Variants in GMDS observed in about 807,000 individuals in gnomAD.
The protein encoded by GMDS is GDP-mannose 4,6-dehydratase.
Under a neutral mutation model 49.9 loss-of-function variants are expected in GMDS, and 20 were observed. The observed-to-expected ratio is 0.40, with a 90% CI of 0.28 to 0.58. The LOEUF (loss-of-function observed/expected upper bound fraction) is 0.58. Ranked by LOEUF, GMDS falls within the 20% of genes least tolerant of loss-of-function variation. GMDS has a pLI of 0.42. For synonymous variants in GMDS, 177 were observed against 178.6 expected, an observed-to-expected ratio of 0.99 and a Z score of 0.07; for missense variants, 362 against 481.4, an observed-to-expected ratio of 0.75 and a Z score of 2.32.
At chr6:2,095,069 C>G (rs1179990342) in intron 4 of GMDS, among the ~76,000 whole-genome samples, 1 of 152,088 alleles carries the variant, frequency 6.6e-6, no homozygotes, top group African/African-American at 2.4e-5. Context: ...ACACGTGCAC[C>G]CAGGTTTACA....
intron 7 of GMDS, among the ~76,000 whole-genome samples, chr6:1,892,126 G>A (rs899352183): frequency 1.3e-5 from 2 of 151,922 alleles, no homozygotes; most frequent in African/African-American, 4.8e-5. Flanking sequence ...AGAGATGTAA[G>A]TAGCACCTAT....
intron 1 of GMDS, among the ~76,000 whole-genome samples, chr6:2,159,676 G>C (rs1032122685): frequency 6.6e-6 from 1 of 151,312 alleles, no homozygotes. Flanking sequence ...ATGCCACCAC[G>C]CCCAACTAAT....
intron 7 of GMDS, among the ~76,000 whole-genome samples, chr6:1,751,148 C>T (rs1581138238): frequency 6.6e-6 from 1 of 152,210 alleles, no homozygotes; most frequent in African/African-American, 2.4e-5. Flanking sequence ...GGTGCAGCTT[C>T]AGCAGACTTA....
At chr6:1,808,240 G>A (rs1218200730) in intron 7 of GMDS, among the ~76,000 whole-genome samples, 1 of 152,158 alleles carries the variant, frequency 6.6e-6, no homozygotes, top group African/African-American at 2.4e-5. Context: ...ATTTCTCAGG[G>A]CAAATGATGA....
At chr6:2,094,803 C>G (rs1773502762) in intron 4 of GMDS, among the ~76,000 whole-genome samples, 1 of 152,158 alleles carries the variant, frequency 6.6e-6, no homozygotes, top group African/African-American at 2.4e-5. Flanking sequence ...CACACATTAA[C>G]TCTTACATGT....
chr6:1,746,653 C>G (rs934119182), intron 7 of GMDS, among the ~76,000 whole-genome samples: 13 of 152,100 alleles, frequency 8.5e-5, no homozygotes, highest in African/African-American at 2.9e-4. Context: ...ATCTGTTCTA[C>G]AAATCCAATT....
At chr6:2,055,914 G>T (rs568106632) in intron 4 of GMDS, among the ~76,000 whole-genome samples, 222 of 152,234 alleles carry the variant, frequency 1.5e-3, no homozygotes, top group African/African-American at 5.0e-3. Context: ...ATACTCGCTT[G>T]AAATTAATAC....
chr6:1,776,126 C>T (rs7760204), intron 7 of GMDS, among the ~76,000 whole-genome samples: 2 of 151,488 alleles, frequency 1.3e-5, no homozygotes, highest in Non-Finnish European at 2.9e-5. Context: ...AAGCCGTGAC[C>T]GTTCAGAATC....
chr6:1,846,632 G>C (rs1269944691), intron 7 of GMDS, among the ~76,000 whole-genome samples: 2 of 152,204 alleles, frequency 1.3e-5, no homozygotes, highest in Non-Finnish European at 2.9e-5. Flanking sequence ...TCCAATCCTA[G>C]ATTGTGAACC....
At chr6:1,803,708 T>C (rs966614629) in intron 7 of GMDS, among the ~76,000 whole-genome samples, 2 of 152,196 alleles carry the variant, frequency 1.3e-5, no homozygotes, top group African/African-American at 4.8e-5. Context: ...ACTTACCCTG[T>C]TTAACTCTGC....
chr6:1,695,907 G>GTTTTTTTTTTTTTTC (rs1765320103), intron 9 of GMDS, among the ~76,000 whole-genome samples: 1 of 124,412 alleles, frequency 8.0e-6, no homozygotes, highest in African/African-American at 3.1e-5. Context: ...TTCTGTCTTG[G>GTTTTTTTTTTTTTTC]TTTTTTTTTT....
At chr6:1,920,373 A>G (rs1761654870) in intron 7 of GMDS, among the ~76,000 whole-genome samples, 1 of 152,248 alleles carries the variant, frequency 6.6e-6, no homozygotes, top group Admixed American at 6.5e-5. Context: ...AAAGGTGCTA[A>G]TAAGTAGGAT....
chr6:1,629,565 C>T (rs1191228404), intron 9 of GMDS, among the ~76,000 whole-genome samples: 1 of 152,136 alleles, frequency 6.6e-6, no homozygotes, highest in Non-Finnish European at 1.5e-5. Context: ...GGCCCTGCAC[C>T]ATGGCCTCGT....
At chr6:1,858,266 G>T (rs562083791) in intron 7 of GMDS, among the ~76,000 whole-genome samples, 19 of 152,254 alleles carry the variant, frequency 1.2e-4, no homozygotes, top group African/African-American at 4.6e-4. Context: ...TGCAAAGTAA[G>T]CTCATATTTA....
chr6:2,157,108 C>G (rs151046914), intron 1 of GMDS, among the ~76,000 whole-genome samples: 1 of 152,176 alleles, frequency 6.6e-6, no homozygotes, highest in Admixed American at 6.5e-5. Context: ...ATAACTGTAG[C>G]ACAGCACAGA....
chr6:1,727,248 G>A (rs914064341), intron 8 of GMDS, among the ~76,000 whole-genome samples: 1 of 152,156 alleles, frequency 6.6e-6, no homozygotes, highest in Non-Finnish European at 1.5e-5. Context: ...TCCCAGGAGC[G>A]AGTCCTCAAG....
intron 7 of GMDS, among the ~76,000 whole-genome samples, chr6:1,910,236 T>C (rs1254282656): frequency 1.3e-5 from 2 of 151,052 alleles, no homozygotes; most frequent in East Asian, 1.9e-4. Flanking sequence ...GCACTTTCTA[T>C]AGTATTTTTT....
chr6:1,948,765 G>C (rs1202372551), intron 6 of GMDS, among the ~76,000 whole-genome samples: 2 of 152,066 alleles, frequency 1.3e-5, no homozygotes, highest in Non-Finnish European at 2.9e-5. Flanking sequence ...GTCTTTTCTT[G>C]ACTTTCCTAA....
chr6:2,221,771 T>C (rs1385856724), intron 1 of GMDS, among the ~76,000 whole-genome samples: 1 of 152,156 alleles, frequency 6.6e-6, no homozygotes, highest in Non-Finnish European at 1.5e-5. Flanking sequence ...ATTCACATTA[T>C]AGCAGTCCCA....
Sources: gnomAD v4.1 joint callset for allele counts (sites outside exome capture counted in the v4.1 genomes callset) on GRCh38, gnomAD v4.1.1 for gene constraint, MANE v1.5 for transcripts, NCBI Gene and HGNC (gene_info 2026-07-23, HGNC 2026-07-21) for gene names.